METTL15: variants seen among roughly 807,000 people sequenced by gnomAD.
METTL15 encodes methyltransferase 15, mitochondrial 12S rRNA N4-cytidine.
METTL15 carries 34 observed loss-of-function variants against 38.3 expected under a neutral mutation model. The observed-to-expected ratio is 0.89, with a 90% CI of 0.68 to 1.18. The LOEUF is 1.18. Ranked by LOEUF, METTL15 falls within the 50% of genes most tolerant of loss-of-function variation. The pLI, the probability that METTL15 is intolerant of heterozygous loss-of-function variation, is 0.00. For synonymous variants in METTL15, 162 were observed against 170.9 expected (o/e 0.95, Z 0.41); for missense variants, 438 against 498.4 (o/e 0.88, Z 1.15).
rs538917558 is a variant in METTL15 at position 28,384,896 on chromosome 11, A to G, written c.*358+22860A>G. Among the ~76,000 whole-genome samples, 3 of 152,218 alleles carry G rather than the reference A, an allele frequency of 2.0e-5. No homozygotes were observed. In the South Asian group the frequency reaches 6.2e-4, roughly 32 times the overall value. ...ATTTGCATTTCTCTAATGATTGGTA[A>G]TGTTGAGCTCTTTTTCCCATGCTTT... On this transcript the variant is annotated intron_variant and NMD_transcript_variant, in intron 5 of 7. Transcript: ENST00000532947.
intron 3 of METTL15, among the ~76,000 whole-genome samples, chr11:28,184,819 T>C (rs562564340): frequency 9.2e-5 from 14 of 151,570 alleles, no homozygotes; most frequent in African/African-American, 2.4e-4. Flanking sequence ...AAATAAAGGA[T>C]ATTTTATATT....
At chr11:28,170,727 G>T (rs1850826200) in intron 3 of METTL15, among the ~76,000 whole-genome samples, 2 of 152,104 alleles carry the variant, frequency 1.3e-5, no homozygotes, top group South Asian at 4.1e-4. Flanking sequence ...GCATTCAAAT[G>T]CATTATAAAT....
intron 3 of METTL15, chr11:28,122,286 A>G: frequency 1.3e-6 from 1 of 763,604 alleles, no homozygotes; most frequent in Non-Finnish European, 1.8e-6. Context: ...TGCAGAAATT[A>G]GTTTTCTTGG....
intron 3 of METTL15, chr11:28,125,911 G>A (rs1219137025): frequency 6.6e-6 from 1 of 152,056 alleles, no homozygotes; most frequent in African/African-American, 2.4e-5. Flanking sequence ...CTACGCATCA[G>A]TGGAATTCTA....
At chr11:28,233,729 A>G (rs1261919983) in intron 4 of METTL15, among the ~76,000 whole-genome samples, 1 of 152,048 alleles carries the variant, frequency 6.6e-6, no homozygotes, top group African/African-American at 2.4e-5. Flanking sequence ...GTGGTGAGGA[A>G]TACTTCTCCT....
intron 4 of METTL15, among the ~76,000 whole-genome samples, chr11:28,259,923 C>T (rs896282479): frequency 1.3e-5 from 2 of 152,128 alleles, no homozygotes; most frequent in African/African-American, 4.8e-5. Flanking sequence ...TTCCACTTCC[C>T]CAACAAGTCC....
chr11:28,523,017 A>G (rs929800765), intron 6 of METTL15, among the ~76,000 whole-genome samples: 1 of 152,214 alleles, frequency 6.6e-6, no homozygotes, highest in African/African-American at 2.4e-5. Flanking sequence ...ATTGAATACA[A>G]TGGATGCGGT....
At chr11:28,408,698 A>G (rs889786448) in intron 5 of METTL15, among the ~76,000 whole-genome samples, 7 of 152,222 alleles carry the variant, frequency 4.6e-5, no homozygotes, top group African/African-American at 9.6e-5. Context: ...TTACTGACAT[A>G]TGTAATATAC....
chr11:28,227,391 A>G (rs527253685), intron 4 of METTL15, among the ~76,000 whole-genome samples: 3 of 151,978 alleles, frequency 2.0e-5, no homozygotes, highest in African/African-American at 7.2e-5. Context: ...TCAGGATCTA[A>G]TCTAGTTTAG....
At chr11:28,528,067 T>C (rs976175001), downstream of METTL15, among the ~76,000 whole-genome samples, 5 of 152,222 alleles carry the variant, frequency 3.3e-5, no homozygotes, top group African/African-American at 1.2e-4. Context: ...CTTAATTTTG[T>C]ACCTATTTCC....
At chr11:28,375,380 C>T (rs1455831099) in intron 5 of METTL15, among the ~76,000 whole-genome samples, 2 of 151,862 alleles carry the variant, frequency 1.3e-5, no homozygotes, top group African/African-American at 2.4e-5. Context: ...CAACTTCTTC[C>T]TGGTTTAGTC....
chr11:28,155,866 G>T (rs1850245202), intron 3 of METTL15, among the ~76,000 whole-genome samples: 2 of 152,228 alleles, frequency 1.3e-5, no homozygotes, highest in South Asian at 4.1e-4. Context: ...TTTTTTAAAA[G>T]GTTTTTTACT....
chr11:28,516,462 T>G (rs966813494), intron 6 of METTL15, among the ~76,000 whole-genome samples: 2 of 152,220 alleles, frequency 1.3e-5, no homozygotes, highest in Non-Finnish European at 2.9e-5. Context: ...GCTGATGAGC[T>G]GAGGAGTGAA....
chr11:28,213,094 TC>T (rs1852710937), intron 4 of METTL15, among the ~76,000 whole-genome samples: 1 of 152,174 alleles, frequency 6.6e-6, no homozygotes, highest in Non-Finnish European at 1.5e-5. Flanking sequence ...CGACATGTAT[TC>T]CAATCTCTAG....
chr11:28,160,834 A>G (rs998214861), intron 3 of METTL15, among the ~76,000 whole-genome samples: 1 of 152,128 alleles, frequency 6.6e-6, no homozygotes, highest in Non-Finnish European at 1.5e-5. Flanking sequence ...CATCCCTTTA[A>G]TAAGCCTAGC....
At chr11:28,121,672 TATG>T (rs1392982029) in intron 3 of METTL15, among the ~76,000 whole-genome samples, 1 of 152,168 alleles carries the variant, frequency 6.6e-6, no homozygotes, top group African/African-American at 2.4e-5. Context: ...ACAATTGTTT[TATG>T]ATGATATCTT....
intron 5 of METTL15, among the ~76,000 whole-genome samples, chr11:28,403,131 G>A (rs952730054): frequency 3.3e-5 from 5 of 151,954 alleles, no homozygotes; most frequent in Non-Finnish European, 7.4e-5. Context: ...TCTGACAGCA[G>A]ATGTATGGGG....
intron 5 of METTL15, among the ~76,000 whole-genome samples, chr11:28,296,349 A>T (rs2095468826): frequency 6.6e-6 from 1 of 152,100 alleles, no homozygotes; most frequent in Non-Finnish European, 1.5e-5. Context: ...AGACTTTTTA[A>T]AATATCATCA....
chr11:28,148,717 A>G (rs997417530), intron 3 of METTL15, among the ~76,000 whole-genome samples: 2 of 151,972 alleles, frequency 1.3e-5, no homozygotes, highest in Admixed American at 6.6e-5. Context: ...TAAGTCACCA[A>G]GGGATTGAGA....
Sources: allele counts gnomAD v4.1 joint callset (sites outside exome capture counted in the v4.1 genomes callset), GRCh38; gene constraint gnomAD v4.1.1; transcripts MANE v1.5; gene names NCBI Gene and HGNC (gene_info 2026-07-23, HGNC 2026-07-21).